NREP: variants seen among roughly 807,000 people sequenced by gnomAD.
NREP encodes the protein neuronal regeneration related protein, also known as neuronal regeneration-related protein.
A neutral mutation model predicts 8.6 loss-of-function variants in NREP; 5 were observed. The observed-to-expected ratio is 0.58, with a 90% CI of 0.30 to 1.22. The LOEUF (loss-of-function observed/expected upper bound fraction) is 1.22. Ranked by LOEUF, NREP falls within the 50% of genes most tolerant of loss-of-function variation. NREP has a pLI of 0.07. For missense variants in NREP, 86 were observed against 82.5 expected (o/e 1.04, Z -0.17); for synonymous variants, 27 against 28.0 (o/e 0.96, Z 0.11).
At chr5:111,770,589 CAG>C (rs1233901747) in intron 2 of NREP, among the ~76,000 whole-genome samples, 1 of 95,962 alleles carries the variant, frequency 1.0e-5, no homozygotes, top group East Asian at 3.4e-4. Context: ...TTTTTTGAGA[CAG>C]AGTCTCACTC....
intron 2 of NREP, among the ~76,000 whole-genome samples, chr5:111,766,502 G>A (rs1751088084): frequency 6.6e-6 from 1 of 152,166 alleles, no homozygotes; most frequent in African/African-American, 2.4e-5. Flanking sequence ...TATGGTTAGA[G>A]AACCAAGAAC....
chr5:111,889,245 T>C (rs1475830698), intron 2 of NREP, among the ~76,000 whole-genome samples: 1 of 152,138 alleles, frequency 6.6e-6, no homozygotes, highest in African/African-American at 2.4e-5. Context: ...AGGAAACAGG[T>C]GTTTCACATG....
In NREP at chr5:111,805,985, A is replaced by C. The variant is rs1752131978; in HGVS notation, c.136-70478T>G. ...ATGTTAATTAGATTCCACAGTGTAC[A>C]TGTATGTCAGAGCATCTTATTGCAC... On this transcript the variant is annotated intron_variant, in intron 2 of 3. Transcript: ENST00000395634. Among the ~76,000 whole-genome samples the C allele has an allele frequency of 2.0e-5, 3 of 152,344 alleles. No homozygotes were observed. The South Asian group carries it at 6.2e-4, about 32-fold the overall frequency.
At chr5:111,854,412 G>T (rs976144048) in intron 2 of NREP, among the ~76,000 whole-genome samples, 1 of 152,136 alleles carries the variant, frequency 6.6e-6, no homozygotes, top group Non-Finnish European at 1.5e-5. Context: ...CATAGTGAGG[G>T]TGTGAGCACT....
chr5:111,909,186 T>A (rs1754847676), intron 2 of NREP, among the ~76,000 whole-genome samples: 1 of 152,090 alleles, frequency 6.6e-6, no homozygotes, highest in East Asian at 1.9e-4. Flanking sequence ...CTGTTTACTC[T>A]GTTGATAGTT....
In NREP at chr5:111,922,646, C is replaced by G. The variant is rs146572841; in HGVS notation, c.135+52628G>C. On this transcript the variant is annotated intron_variant, in intron 2 of 3. Transcript: ENST00000395634. ...CCTGCTTGACTGTTTTTAGTAGGTT[C>G]TCCTCTGAGAATAATCTTTGGACAC... Among the ~76,000 whole-genome samples, 50 of 152,264 alleles carry G rather than the reference C, an allele frequency of 3.3e-4. No individual in the cohort carries two copies. In the East Asian group the frequency reaches 9.5e-3, roughly 29 times the overall value.
intron 2 of NREP, among the ~76,000 whole-genome samples, chr5:111,855,235 T>G (rs1753399941): frequency 6.6e-6 from 1 of 152,234 alleles, no homozygotes; most frequent in Non-Finnish European, 1.5e-5. Context: ...GGAAACAGAC[T>G]GCCTACCAAC....
In NREP at chr5:111,966,795, G is replaced by C. The variant is rs58816171; in HGVS notation, c.135+8479C>G. On this transcript the variant is annotated intron_variant, in intron 2 of 3. Transcript: ENST00000395634. Reference sequence around the variant, plus strand: ...CTAACAAAACTTTAAAAAGCTTGCTGTCCTCTTTCTCCATTTTTCCAATCT... The same window carrying C: ...CTAACAAAACTTTAAAAAGCTTGCTCTCCTCTTTCTCCATTTTTCCAATCT... Among the ~76,000 whole-genome samples, 18 of 152,268 alleles carry C rather than the reference G, an allele frequency of 1.2e-4. No homozygotes were observed. The East Asian group carries it at 3.5e-3, about 29-fold the overall frequency.
intron 2 of NREP, among the ~76,000 whole-genome samples, chr5:111,905,991 G>T (rs1340519204): frequency 6.6e-6 from 1 of 152,014 alleles, no homozygotes; most frequent in African/African-American, 2.4e-5. Flanking sequence ...ATAAGAATTA[G>T]TAATAACAGT....
intron 2 of NREP, among the ~76,000 whole-genome samples, chr5:111,927,020 A>G (rs1371821106): frequency 6.6e-6 from 1 of 151,872 alleles, no homozygotes; most frequent in Non-Finnish European, 1.5e-5. Context: ...TGTCTCCCCT[A>G]TAGATGGATC....
intron 2 of NREP, among the ~76,000 whole-genome samples, chr5:111,847,719 G>T (rs150399636): frequency 0.011 from 1,700 of 151,204 alleles, 14 homozygotes; most frequent in Middle Eastern, 0.024. Flanking sequence ...TTCTCTGAAT[G>T]TGAGACCTGG....
chr5:111,811,108 G>T (rs903548736), intron 2 of NREP, among the ~76,000 whole-genome samples: 3 of 152,034 alleles, frequency 2.0e-5, no homozygotes, highest in Admixed American at 1.3e-4. Flanking sequence ...CCAAACCTTC[G>T]CTACCCTTTC....
At chr5:111,834,881 T>C (rs572460448) in intron 2 of NREP, among the ~76,000 whole-genome samples, 2 of 152,302 alleles carry the variant, frequency 1.3e-5, no homozygotes, top group East Asian at 3.9e-4. Flanking sequence ...TTCCTCCCTA[T>C]GTTTGCTTTA....
intron 2 of NREP, among the ~76,000 whole-genome samples, chr5:111,799,004 A>G (rs966897249): frequency 1.3e-5 from 2 of 152,238 alleles, no homozygotes; most frequent in African/African-American, 4.8e-5. Flanking sequence ...TCTCCACATT[A>G]TTTTCCATAG....
chr5:111,975,315 TG>T lies in NREP; in HGVS notation c.93del (p.Lys32AsnfsTer12). Reference sequence around the variant, plus strand: ...ATCTGGCAGTGAACCTGGAAACATTTGGAACAAGGGACTCTGTCTGTCATCC... The same window carrying T: ...ATCTGGCAGTGAACCTGGAAACATTTGAACAAGGGACTCTGTCTGTCATCC... On this transcript the variant is annotated frameshift_variant, in exon 2 of 4. Coordinates refer to the NREP transcript ENST00000395634. LOFTEE classifies it high-confidence loss of function. 6.4e-7 allele frequency: 1 copy of T among 1,551,630 alleles called. No homozygotes were observed. The highest frequency in any genetic ancestry group is 8.7e-7 in the Non-Finnish European group (1 of 1,146,940).
chr5:111,914,002 G>A (rs776530706), intron 2 of NREP, among the ~76,000 whole-genome samples: 1 of 152,136 alleles, frequency 6.6e-6, no homozygotes. Flanking sequence ...AAATTATTTG[G>A]TGGCTGCTGG....
At chr5:111,852,916 A>G (rs532941277) in intron 2 of NREP, among the ~76,000 whole-genome samples, 1 of 152,244 alleles carries the variant, frequency 6.6e-6, no homozygotes, top group South Asian at 2.1e-4. Flanking sequence ...CTTAAAGTAG[A>G]TAGAGTGAGA....
At position 111,905,667 on chromosome 5, in the gene NREP, T is replaced by C. The variant is rs546280322; in HGVS notation, c.135+69607A>G. On this transcript the variant is annotated intron_variant, in intron 2 of 3. Coordinates refer to the NREP transcript ENST00000395634. ...GAAAGAGAACTTTATGATTCAATGT[T>C]TTAGTGCTGTTGGTAAAAAAACCAA... is the stretch of plus-strand genomic sequence containing the variant. 1.1e-3 allele frequency among the ~76,000 whole-genome samples: 161 copies of C among 152,212 alleles called. 4 individuals are homozygous for C. The South Asian group carries it at 0.033, about 31-fold the overall frequency.
At chr5:111,843,690 C>T (rs1201537227) in intron 2 of NREP, among the ~76,000 whole-genome samples, 3 of 152,120 alleles carry the variant, frequency 2.0e-5, no homozygotes, top group Admixed American at 2.0e-4. Flanking sequence ...CCAGTCTTTA[C>T]AGACTGGCTT....
Sources: allele counts gnomAD v4.1 joint callset (sites outside exome capture counted in the v4.1 genomes callset), GRCh38; gene constraint gnomAD v4.1.1; transcripts MANE v1.5; gene names NCBI Gene and HGNC (gene_info 2026-07-23, HGNC 2026-07-21).